Variants in SIRPG observed in about 807,000 individuals in gnomAD.
The protein encoded by SIRPG is signal-regulatory protein gamma.
Under a neutral mutation model 35.7 loss-of-function variants are expected in SIRPG, and 38 were observed. The observed-to-expected ratio is 1.06, with a 90% CI of 0.82 to 1.40. The LOEUF (loss-of-function observed/expected upper bound fraction) is 1.40, where lower values mean the gene tolerates loss of function less well. SIRPG is among the 40% of genes most tolerant of loss of function. The pLI is 0.00. For synonymous variants in SIRPG, 215 were observed against 190.4 expected (o/e 1.13, Z -1.06); for missense variants, 519 against 483.0 (o/e 1.07, Z -0.70).
the SIRPG span, among the ~76,000 whole-genome samples, chr20:1,668,203 CTTTCT>C: frequency 6.4e-4 from 16 of 25,046 alleles, no homozygotes; most frequent in African/African-American, 1.9e-3. Context: ...CTTTTCTTTT[CTTTCT>C]TTCTTTCTTT....
chr20:1,646,617 TC>T (rs1301617141), intron 2 of SIRPG: 4 of 150,966 alleles, frequency 2.6e-5, no homozygotes, highest in African/African-American at 9.8e-5. Flanking sequence ...AGCCAGCCCC[TC>T]CTACCCCTAC....
chr20:1,662,292 G>A (rs1248896966), upstream of SIRPG, among the ~76,000 whole-genome samples: 1 of 152,202 alleles, frequency 6.6e-6, no homozygotes, highest in Non-Finnish European at 1.5e-5. Flanking sequence ...GCCAGTCTTA[G>A]ACACAAACTC....
At chr20:1,677,371 G>C in the SIRPG span, among the ~76,000 whole-genome samples, 1 of 152,304 alleles carries the variant, frequency 6.6e-6, no homozygotes, top group South Asian at 2.1e-4. Context: ...GTCATGAGTA[G>C]AAATGATGAG....
the SIRPG span, among the ~76,000 whole-genome samples, chr20:1,666,194 A>G: frequency 6.6e-6 from 1 of 152,028 alleles, no homozygotes; most frequent in African/African-American, 2.4e-5. Context: ...AGAGAAAAAA[A>G]TTTTTGTACA....
At chr20:1,668,646 C>T in the SIRPG span, among the ~76,000 whole-genome samples, 1 of 152,058 alleles carries the variant, frequency 6.6e-6, no homozygotes, top group Non-Finnish European at 1.5e-5. Flanking sequence ...TCACACACAC[C>T]ACACAAAAAA....
chr20:1,663,052 G>A, the SIRPG span, among the ~76,000 whole-genome samples: 37 of 151,780 alleles, frequency 2.4e-4, no homozygotes, highest in Admixed American at 5.2e-4. Context: ...GGTAGCTCAC[G>A]CCTGTAATCC....
At chr20:1,653,248 C>T (rs1311814013) in intron 1 of SIRPG, among the ~76,000 whole-genome samples, 2 of 152,200 alleles carry the variant, frequency 1.3e-5, no homozygotes, top group African/African-American at 4.8e-5. Context: ...AATCGTAGCT[C>T]TACCAGTTAC....
chr20:1,640,536 GA>G lies in SIRPG; in HGVS notation c.431-4032del, dbSNP rs771101795. 1.4e-4 allele frequency among the ~76,000 whole-genome samples: 21 copies of G among 152,160 alleles called. No individual in the cohort carries two copies. In the East Asian group the frequency reaches 1.7e-3, roughly 13 times the overall value. On this transcript the variant is annotated intron_variant, in intron 2 of 5. Coordinates refer to ENST00000303415, the MANE Select transcript of SIRPG (RefSeq NM_018556.4). ...GAGATGATGGGGCTTTCTAAATATA[GA>G]ATCATGTCATCTGCAAACAAAGACA...
At chr20:1,651,919 A>G (rs949887392) in intron 1 of SIRPG, among the ~76,000 whole-genome samples, 14 of 152,232 alleles carry the variant, frequency 9.2e-5, no homozygotes, top group African/African-American at 3.4e-4. Context: ...TTATAATAAT[A>G]TCACATAATC....
intron 2 of SIRPG, among the ~76,000 whole-genome samples, chr20:1,642,880 A>G: frequency 6.6e-6 from 1 of 152,150 alleles, no homozygotes; most frequent in East Asian, 1.9e-4. Context: ...TTTGTTTAAG[A>G]ATGTTGAATA....
chr20:1,634,769 C>T (rs1355755241), intron 4 of SIRPG, among the ~76,000 whole-genome samples: 10 of 151,994 alleles, frequency 6.6e-5, no homozygotes, highest in South Asian at 2.1e-4. Context: ...GTACGCCAGG[C>T]GCGGTGGCTC....
the SIRPG span, among the ~76,000 whole-genome samples, chr20:1,669,450 T>C: frequency 6.6e-6 from 1 of 152,250 alleles, no homozygotes; most frequent in African/African-American, 2.4e-5. Context: ...GCTCATGCTG[T>C]GACCAGTCAC....
the SIRPG span, among the ~76,000 whole-genome samples, chr20:1,682,511 T>C: frequency 2.6e-5 from 4 of 152,202 alleles, no homozygotes; most frequent in Non-Finnish European, 5.9e-5. Context: ...AGGATGATTG[T>C]TCCTCAACAT....
chr20:1,639,342 G>A (rs2091831957), intron 2 of SIRPG, among the ~76,000 whole-genome samples: 1 of 151,910 alleles, frequency 6.6e-6, no homozygotes. Context: ...ATCTCATTGT[G>A]GTTTTGATTT....
Position 1,635,501 on chromosome 20 carries a change from G to C in SIRPG, c.847C>G (p.Leu283Val). The C allele has an allele frequency of 1.9e-6, 3 of 1,614,138 alleles. No homozygotes were observed. The highest frequency in any genetic ancestry group is 2.5e-6 in the Non-Finnish European group (3 of 1,179,980). Residue 283 changes from leucine (L) to valine (V), a missense_variant, in exon 4 of 6, where the codon CTG becomes GTG. By Grantham distance (32) the Leu-to-Val change is conservative. Transcript: ENST00000303415. The part of the protein sequence containing the change: ...VRKFYPQSLQ[L>V]TWSENGNVCQ... ...ACGTTTCCATTCTCCGACCAGGTCA[G>C]CTGTAGGCTCTGGGGGTAGAACTTC...
intron 2 of SIRPG, among the ~76,000 whole-genome samples, chr20:1,643,954 A>G (rs1241785427): frequency 1.3e-5 from 2 of 151,978 alleles, no homozygotes; most frequent in Non-Finnish European, 2.9e-5. Context: ...TTCCTTTAGG[A>G]TCTCTAACCT....
the SIRPG span, among the ~76,000 whole-genome samples, chr20:1,668,154 T>C: frequency 1.2e-5 from 1 of 81,050 alleles, no homozygotes; most frequent in South Asian, 8.8e-4. Flanking sequence ...TTTCTTTTTT[T>C]CTTTTCTTTT....
Position 1,636,474 on chromosome 20 carries a change from A to G in SIRPG, c.462T>C (p.Pro154=). 1.2e-6 allele frequency: 2 copies of G among 1,614,242 alleles called. No individual in the cohort carries two copies. Among genetic ancestry groups the G allele is most frequent in the South Asian group, 2.2e-5 (2 of 91,086 alleles). Residue 154 remains proline (P), a synonymous_variant, in exon 3 of 6, where the codon CCT becomes CCC. Coordinates refer to ENST00000303415, the MANE Select transcript of SIRPG (RefSeq NM_018556.4). ...AKPSAPVVLG[P]AARTTPEHTV... is the part of the protein sequence containing the mutation. ...TATGCTCAGGTGTGGTCCTCGCCGC[A>G]GGGCCCAATACCACGGGGGCAGAGG...
chr20:1,680,759 T>C, the SIRPG span, among the ~76,000 whole-genome samples: 4,740 of 152,330 alleles, frequency 0.031, 250 homozygotes, highest in African/African-American at 0.11. Flanking sequence ...GCTATCTTTC[T>C]ATGACAAAAA....
Sources: gnomAD v4.1 joint callset for allele counts (sites outside exome capture counted in the v4.1 genomes callset) on GRCh38, gnomAD v4.1.1 for gene constraint, MANE v1.5 for transcripts, NCBI Gene and HGNC (gene_info 2026-07-23, HGNC 2026-07-21) for gene names.